CFAP77: variants seen among roughly 807,000 people sequenced by gnomAD.
CFAP77 encodes cilia and flagella associated protein 77, also known as cilia- and flagella-associated protein 77.
In CFAP77, 25 loss-of-function variants were observed where a neutral mutation model predicts 31.1. The observed-to-expected ratio is 0.80, with a 90% CI of 0.59 to 1.12. CFAP77 has a LOEUF of 1.12. Among genes scored for constraint, CFAP77 ranks in the 50% most tolerant of loss-of-function variants. The pLI is 0.00. For missense variants in CFAP77, 377 were observed against 397.3 expected (o/e 0.95, Z 0.44); for synonymous variants, 151 against 159.9 (o/e 0.94, Z 0.42).
chr9:132,430,131 T>G (rs1483372369), intron 1 of CFAP77, among the ~76,000 whole-genome samples: 3 of 152,202 alleles, frequency 2.0e-5, no homozygotes, highest in Non-Finnish European at 4.4e-5. Context: ...CCTCTGGTTT[T>G]GCTTTTCTGT....
At chr9:132,529,659 T>A (rs1389808296) in intron 3 of CFAP77, among the ~76,000 whole-genome samples, 1 of 151,618 alleles carries the variant, frequency 6.6e-6, no homozygotes, top group Non-Finnish European at 1.5e-5. Flanking sequence ...ACCCCGTCTC[T>A]ACTAAAAATG....
intron 1 of CFAP77, among the ~76,000 whole-genome samples, chr9:132,473,104 G>A (rs905847781): frequency 3.9e-5 from 6 of 152,148 alleles, no homozygotes; most frequent in African/African-American, 1.4e-4. Flanking sequence ...GGGAGTCAGG[G>A]GTTGGGGGAG....
intron 1 of CFAP77, among the ~76,000 whole-genome samples, chr9:132,466,430 C>G (rs149273993): frequency 2.6e-4 from 39 of 152,256 alleles, no homozygotes; most frequent in Middle Eastern, 3.4e-3. Flanking sequence ...ACACCAAGTC[C>G]CAGGAGGAGC....
chr9:132,486,090 A>ATTTTTTTTTTT (rs1178281920), intron 1 of CFAP77, among the ~76,000 whole-genome samples: 1 of 15,362 alleles, frequency 6.5e-5, no homozygotes, highest in Admixed American at 1.2e-3. Flanking sequence ...ATATATATAT[A>ATTTTTTTTTTT]TTTTTTTTTT....
At chr9:132,429,430 T>C (rs1365123892) in intron 1 of CFAP77, among the ~76,000 whole-genome samples, 5 of 148,194 alleles carry the variant, frequency 3.4e-5, no homozygotes, top group African/African-American at 1.0e-4. Flanking sequence ...CCCAGCTACT[T>C]GGGAGGCTGA....
chr9:132,438,535 ATATATATTTT>A (rs999216156), intron 1 of CFAP77, among the ~76,000 whole-genome samples: 2 of 107,964 alleles, frequency 1.9e-5, no homozygotes, highest in African/African-American at 8.8e-5. Context: ...ATATATATAT[ATATATATTTT>A]TTTTTTTTTT....
chr9:132,411,752 C>T (rs536273017), intron 1 of CFAP77, among the ~76,000 whole-genome samples: 1 of 152,188 alleles, frequency 6.6e-6, no homozygotes, highest in Admixed American at 6.5e-5. Context: ...TGCTTTTGTT[C>T]AAGTAGTTAG....
intron 3 of CFAP77, among the ~76,000 whole-genome samples, chr9:132,529,507 T>TTAAAAAAAACAA (rs1554748117): frequency 9.2e-6 from 1 of 108,836 alleles, no homozygotes; most frequent in African/African-American, 3.3e-5. Flanking sequence ...TAGAGTATAA[T>TTAAAAAAAACAA]AAAAAAAAAA....
In CFAP77 at chr9:132,550,686, A is replaced by AT. The variant is rs576931012; in HGVS notation, c.732+7649dup. On this transcript the variant is annotated intron_variant, in intron 5 of 5. Transcript: ENST00000393216. ...ACTACAGGCGTGCAGCTAATTTTTA[A>AT]TTTTTTTTTTGTAGAAACAGGGTCT... Among the ~76,000 whole-genome samples, 138 of 148,262 alleles carry AT rather than the reference A, an allele frequency of 9.3e-4. 2 individuals are homozygous for AT. The South Asian group carries it at 0.022, about 24-fold the overall frequency.
intron 1 of CFAP77, among the ~76,000 whole-genome samples, chr9:132,422,791 C>T (rs1850242703): frequency 1.3e-5 from 2 of 152,178 alleles, no homozygotes; most frequent in Admixed American, 6.5e-5. Context: ...CTTCCCTCTA[C>T]TGAAGGTGAC....
In CFAP77 at chr9:132,497,760, C is replaced by T. The variant is rs576728845; in HGVS notation, c.196-935C>T. Among the ~76,000 whole-genome samples the T allele has an allele frequency of 2.2e-4, 34 of 152,284 alleles. No homozygotes were observed. The highest frequency in any genetic ancestry group is 4.6e-4 in the Admixed American group (7 of 15,294). ...CTATGCAGACGGCATGAGGGAAGGC[C>T]AGGGAGCCCCAAACATTGTGCCTGG... On this transcript the variant is annotated intron_variant, in intron 1 of 5. Transcript: ENST00000393216. The surrounding 1 kb of genome is among the most constrained non-coding windows in gnomAD (Gnocchi z 4.9).
At chr9:132,502,885 T>A (rs777162160) in intron 3 of CFAP77, among the ~76,000 whole-genome samples, 4 of 152,242 alleles carry the variant, frequency 2.6e-5, no homozygotes, top group Non-Finnish European at 4.4e-5. Context: ...GCCACACTGC[T>A]GTCCACAGCA....
intron 4 of CFAP77, among the ~76,000 whole-genome samples, chr9:132,538,551 C>T (rs780942639): frequency 2.6e-5 from 4 of 152,182 alleles, no homozygotes; most frequent in Non-Finnish European, 5.9e-5. Context: ...TTTGGGAGGC[C>T]GAGGTGGGTG....
chr9:132,525,085 T>C (rs1343471913), intron 3 of CFAP77, among the ~76,000 whole-genome samples: 2 of 147,356 alleles, frequency 1.4e-5, no homozygotes, highest in South Asian at 4.5e-4. Flanking sequence ...AATGGCACAA[T>C]CTCAGCTCAC....
chr9:132,532,642 C>T (rs563345493), intron 3 of CFAP77, among the ~76,000 whole-genome samples: 2 of 152,194 alleles, frequency 1.3e-5, no homozygotes, highest in Non-Finnish European at 2.9e-5. Context: ...CTGTGTGACC[C>T]TGGGAGACGC....
intron 1 of CFAP77, among the ~76,000 whole-genome samples, chr9:132,447,401 G>C (rs1850744597): frequency 6.6e-6 from 1 of 152,202 alleles, no homozygotes; most frequent in Admixed American, 6.5e-5. Context: ...TCAAATCCCA[G>C]TTTCATTTGA....
Position 132,477,080 on chromosome 9 carries a change from C to T in CFAP77, c.196-21615C>T, listed in dbSNP as rs192936922. Among the ~76,000 whole-genome samples the T allele has an allele frequency of 1.4e-4, 21 of 152,286 alleles. No individual in the cohort carries two copies. In the South Asian group the frequency reaches 3.7e-3, roughly 27 times the overall value. ...CAGCCTCGTACATCTGCCTGTGTGT[C>T]TCGTGCCAGGCTGACTGGTTTCTCT... On this transcript the variant is annotated intron_variant, in intron 1 of 5. Transcript: ENST00000393216.
intron 5 of CFAP77, among the ~76,000 whole-genome samples, chr9:132,566,206 C>G (rs1199177359): frequency 6.6e-6 from 1 of 152,192 alleles, no homozygotes; most frequent in Non-Finnish European, 1.5e-5. Flanking sequence ...GGAGCCATGA[C>G]CTTGCAGCCA....
intron 1 of CFAP77, among the ~76,000 whole-genome samples, chr9:132,413,152 T>A (rs1850038510): frequency 6.6e-6 from 1 of 151,934 alleles, no homozygotes; most frequent in Admixed American, 6.6e-5. Context: ...AGGATCAGCA[T>A]TTTTTTTCAT....
Sources: allele counts gnomAD v4.1 joint callset (sites outside exome capture counted in the v4.1 genomes callset), GRCh38; gene constraint gnomAD v4.1.1; non-coding constraint Gnocchi (gnomAD v3.1); transcripts MANE v1.5; gene names NCBI Gene and HGNC (gene_info 2026-07-23, HGNC 2026-07-21).